ZNF638: variants seen among roughly 807,000 people sequenced by gnomAD.
ZNF638 encodes the protein zinc finger protein 638.
Under a neutral mutation model 195.6 loss-of-function variants are expected in ZNF638, and 46 were observed. The observed-to-expected ratio is 0.24, with a 90% confidence interval of 0.19 to 0.30. The LOEUF is 0.30. Ranked by LOEUF, ZNF638 falls within the 10% of genes least tolerant of loss-of-function variation. ZNF638 has a pLI of 1.00. For missense variants in ZNF638, 2,440 were observed against 2,325.3 expected, an observed-to-expected ratio of 1.05 and a Z score of -1.01; for synonymous variants, 845 against 772.0, an observed-to-expected ratio of 1.09 and a Z score of -1.57.
intron 1 of ZNF638, among the ~76,000 whole-genome samples, chr2:71,339,621 C>G (rs2104104061): frequency 6.6e-6 from 1 of 152,154 alleles, no homozygotes; most frequent in South Asian, 2.1e-4. Context: ...TCATTATTGT[C>G]TTTACTTCTT....
intron 10 of ZNF638, among the ~76,000 whole-genome samples, chr2:71,387,979 A>G (rs1263020856): frequency 1.3e-5 from 2 of 152,212 alleles, no homozygotes; most frequent in Non-Finnish European, 2.9e-5. Flanking sequence ...AGAAGTAGAG[A>G]TGACTTTTAA....
chr2:71,405,893 T>G lies in ZNF638; in HGVS notation c.3001-235T>G, dbSNP rs548878474. Among the ~76,000 whole-genome samples, 3 of 152,236 alleles carry G rather than the reference T, an allele frequency of 2.0e-5. No individual in the cohort carries two copies. In the South Asian group the frequency reaches 6.2e-4, roughly 32 times the overall value. ...AGGTCAATATCTTGTCTGAGGATGTTTTGGGTAAACGTTATGTTGATAGTA... is the reference window on the plus strand; with the variant it reads ...AGGTCAATATCTTGTCTGAGGATGTGTTGGGTAAACGTTATGTTGATAGTA... On this transcript the variant is annotated intron_variant, in intron 18 of 27. Coordinates refer to ENST00000264447, the MANE Select transcript of ZNF638 (RefSeq NM_014497.5).
At chr2:71,388,802 G>A in intron 10 of ZNF638, 1 of 787,994 alleles carries the variant, frequency 1.3e-6, no homozygotes, top group East Asian at 2.6e-5. Context: ...GACAACAGCT[G>A]TCCGCACAAC....
At chr2:71,332,712 T>C (rs2078594429) in intron 1 of ZNF638, 1 of 152,172 alleles carries the variant, frequency 6.6e-6, no homozygotes, top group African/African-American at 2.4e-5. Context: ...AAATAGATCT[T>C]TTGTTGTTTG....
rs1283384308 is a variant in ZNF638, at chr2:71,331,825, T to C, written c.-253T>C. ...GGCGTCGAGACTGGAGGCTGAGTGC[T>C]AAACTGTGTGGGGCGCGGATGGGAT... On this transcript the variant is annotated 5_prime_UTR_variant, in exon 1 of 28. Coordinates refer to ENST00000264447, the MANE Select transcript of ZNF638 (RefSeq NM_014497.5). 2.0e-6 allele frequency: 2 copies of C among 986,168 alleles called. No homozygotes were observed. The highest frequency in any genetic ancestry group is 3.5e-5 in the African/African-American group (2 of 57,262). The allele number at this position is 986,168 out of a possible 1,614,324, so 61.1% of individuals were successfully genotyped here.
intron 10 of ZNF638, chr2:71,393,452 A>G (rs2079828420): frequency 2.8e-6 from 2 of 718,234 alleles, no homozygotes; most frequent in African/African-American, 1.7e-5. Context: ...CTAGGACCCA[A>G]CACAGTACCA....
intron 10 of ZNF638, among the ~76,000 whole-genome samples, chr2:71,382,723 T>C (rs183866535): frequency 7.4e-4 from 113 of 152,306 alleles, no homozygotes; most frequent in African/African-American, 2.7e-3. Flanking sequence ...GTGACAAATA[T>C]TAAATATAAA....
chr2:71,398,594 A>G, intron 11 of ZNF638, 107 bp from the exon 12 acceptor site: 1 of 883,294 alleles, frequency 1.1e-6, no homozygotes. Flanking sequence ...TTATGTTTTG[A>G]ATAAAACACA....
intron 20 of ZNF638, among the ~76,000 whole-genome samples, chr2:71,417,155 C>G (rs2080313945): frequency 6.6e-6 from 1 of 151,106 alleles, no homozygotes; most frequent in Admixed American, 6.6e-5. Flanking sequence ...ACCCTCTGAG[C>G]CAGGTGTGGG....
chr2:71,367,199 A>C (rs943239821), intron 6 of ZNF638, among the ~76,000 whole-genome samples: 1 of 151,174 alleles, frequency 6.6e-6, no homozygotes, highest in Non-Finnish European at 1.5e-5. Context: ...AGTTCTTTTC[A>C]TTTTGTTTCA....
chr2:71,386,997 GAC>G (rs2079655148), intron 10 of ZNF638, among the ~76,000 whole-genome samples: 2 of 151,986 alleles, frequency 1.3e-5, no homozygotes, highest in Non-Finnish European at 2.9e-5. Context: ...ACAGGCCAGA[GAC>G]ACCTCATCCA....
At chr2:71,336,108 A>G (rs1367715509) in intron 1 of ZNF638, among the ~76,000 whole-genome samples, 1 of 152,194 alleles carries the variant, frequency 6.6e-6, no homozygotes, top group Non-Finnish European at 1.5e-5. Flanking sequence ...ACGGTGGCTC[A>G]CGCCTGTAAT....
At position 71,363,116 on chromosome 2, in the gene ZNF638, T is replaced by C. The variant is rs142945294; in HGVS notation, c.1380-37T>C. 44 of 1,510,094 alleles carry C rather than the reference T, an allele frequency of 2.9e-5. No individual in the cohort carries two copies. The Middle Eastern group carries it at 2.4e-3, about 82-fold the overall frequency. 93.5% of individuals were successfully genotyped at this position (1,510,094 alleles called of 1,614,324 possible). The stretch of plus-strand genomic sequence containing the variant: ...GATTAATTGAGCCTTACAGTCTGAT[T>C]TTAGCTGTTAGTTAATATTGTTTAT... On this transcript the variant is annotated intron_variant, in intron 3 of 27. Transcript: ENST00000264447.
intron 25 of ZNF638, among the ~76,000 whole-genome samples, chr2:71,429,559 C>A (rs2080612829): frequency 6.6e-6 from 1 of 152,138 alleles, no homozygotes; most frequent in Non-Finnish European, 1.5e-5. Context: ...CCAAGTTTTT[C>A]CCATTGAAAG....
chr2:71,337,349 A>G (rs1168636469), intron 1 of ZNF638, among the ~76,000 whole-genome samples: 2 of 152,064 alleles, frequency 1.3e-5, no homozygotes, highest in Non-Finnish European at 2.9e-5. Flanking sequence ...TTCAGTGTGT[A>G]TTTCCTAAAA....
intron 25 of ZNF638, chr2:71,430,948 G>C (rs559711496): frequency 6.2e-6 from 1 of 161,008 alleles, no homozygotes; most frequent in South Asian, 1.7e-4. Context: ...AAGGGCCTCA[G>C]TATTGGGCCA....
At chr2:71,337,784 C>A (rs914654606) in intron 1 of ZNF638, among the ~76,000 whole-genome samples, 3 of 124,296 alleles carry the variant, frequency 2.4e-5, no homozygotes, top group Non-Finnish European at 5.7e-5. Context: ...GTTTTTTTTT[C>A]CCCCTCCAGT....
chr2:71,378,015 T>A (rs17749748), intron 8 of ZNF638, among the ~76,000 whole-genome samples: 2 of 151,996 alleles, frequency 1.3e-5, no homozygotes, highest in Non-Finnish European at 2.9e-5. Flanking sequence ...ATGCATGGAC[T>A]TAGAAGATAT....
intron 21 of ZNF638, among the ~76,000 whole-genome samples, chr2:71,419,523 T>G (rs1450646370): frequency 6.6e-6 from 1 of 152,230 alleles, no homozygotes; most frequent in African/African-American, 2.4e-5. Context: ...TTATTTTAGT[T>G]GACAAAGATG....
Sources: allele counts gnomAD v4.1 joint callset (sites outside exome capture counted in the v4.1 genomes callset), GRCh38; gene constraint gnomAD v4.1.1; transcripts MANE v1.5; gene names NCBI Gene and HGNC (gene_info 2026-07-23, HGNC 2026-07-21).